MEIG1: variants seen among roughly 807,000 people sequenced by gnomAD.
MEIG1 encodes the protein meiosis expressed gene 1 protein homolog.
MEIG1 carries 12 observed loss-of-function variants against 11.3 expected under a neutral mutation model. That is an observed-to-expected ratio of 1.07 (90% CI 0.68 to 1.73). The LOEUF is 1.73. MEIG1 is among the 40% of genes most tolerant of loss of function. MEIG1 has a pLI of 0.00. For missense variants in MEIG1, 119 were observed against 104.9 expected (o/e 1.13, Z -0.59); for synonymous variants, 41 against 33.2 (o/e 1.24, Z -0.81).
At chr10:14,961,308 GC>G (rs1485647014) in intron 1 of MEIG1, among the ~76,000 whole-genome samples, 1 of 152,130 alleles carries the variant, frequency 6.6e-6, no homozygotes, top group Non-Finnish European at 1.5e-5. Flanking sequence ...AATGCGTATT[GC>G]TTTTGCACCA....
At chr10:14,983,742 ATTC>A (rs2131284698) in intron 1 of MEIG1, among the ~76,000 whole-genome samples, 1 of 152,134 alleles carries the variant, frequency 6.6e-6, no homozygotes, top group South Asian at 2.1e-4. Flanking sequence ...GGAGGATAAT[ATTC>A]TTCTTAATAG....
At chr10:14,983,174 T>C (rs1016894570) in intron 1 of MEIG1, among the ~76,000 whole-genome samples, 2 of 152,124 alleles carry the variant, frequency 1.3e-5, no homozygotes, top group Non-Finnish European at 1.5e-5. Flanking sequence ...CCCGGTGATA[T>C]TGATCCGAAT....
chr10:14,962,762 A>AGT (rs1292817627), intron 1 of MEIG1, among the ~76,000 whole-genome samples: 4 of 146,324 alleles, frequency 2.7e-5, no homozygotes, highest in Admixed American at 6.8e-5. Context: ...CTAATTTGGA[A>AGT]TTTTTTTTTT....
At chr10:14,975,494 A>G (rs1482090463), downstream of MEIG1, among the ~76,000 whole-genome samples, 2 of 152,120 alleles carry the variant, frequency 1.3e-5, no homozygotes, top group Non-Finnish European at 2.9e-5. Context: ...CAGAAAGTGT[A>G]CAAACCCGTG....
downstream of MEIG1, among the ~76,000 whole-genome samples, chr10:14,974,857 T>C (rs1843194325): frequency 2.0e-5 from 3 of 152,040 alleles, no homozygotes; most frequent in Non-Finnish European, 2.9e-5. Context: ...TGAGCAATGA[T>C]TTCTTAATAT....
chr10:14,960,700 G>A (rs1236097186), intron 1 of MEIG1, among the ~76,000 whole-genome samples: 1 of 151,868 alleles, frequency 6.6e-6, no homozygotes, highest in Non-Finnish European at 1.5e-5. Flanking sequence ...TTATAGGAGT[G>A]AGCCACCGCG....
rs189796669 is a variant in MEIG1, at chr10:14,987,068, C to A, written n.285+54C>A. 8.0e-6 allele frequency: 5 copies of A among 621,884 alleles called. No homozygotes were observed. The East Asian group carries it at 3.0e-4, about 38-fold the overall frequency. 38.5% of individuals were successfully genotyped at this position (621,884 alleles called of 1,614,324 possible). A position where few individuals can be genotyped will look rare whatever the true frequency, so the allele number is the denominator to read the frequency against. Reference sequence around the variant, plus strand: ...AGAGGGAGACAGATGGCTACAAAGCCGTCATAGGCCATCACAGTCAGGAGC... The same window carrying A: ...AGAGGGAGACAGATGGCTACAAAGCAGTCATAGGCCATCACAGTCAGGAGC... On this transcript the variant is annotated intron_variant and non_coding_transcript_variant, in intron 2 of 2. Coordinates refer to the MEIG1 transcript ENST00000467536.
upstream of MEIG1, among the ~76,000 whole-genome samples, chr10:14,955,863 A>C (rs1433759330): frequency 6.6e-6 from 1 of 152,176 alleles, no homozygotes; most frequent in Non-Finnish European, 1.5e-5. Flanking sequence ...ATTGAGGTAA[A>C]ATATCCTGCT....
intron 1 of MEIG1, among the ~76,000 whole-genome samples, chr10:14,984,285 C>G (rs1589216403): frequency 1.3e-5 from 2 of 151,986 alleles, no homozygotes; most frequent in Non-Finnish European, 1.5e-5. Context: ...CCGATTTTTC[C>G]GAGGAGATTT....
At chr10:14,970,345 C>G (rs1554806405) in intron 2 of MEIG1, 1 of 152,240 alleles carries the variant, frequency 6.6e-6, no homozygotes, top group Non-Finnish European at 1.5e-5. Flanking sequence ...GGAAAAATGT[C>G]TAGAAGTCAA....
upstream of MEIG1, chr10:14,954,441 T>G (rs571486882): frequency 9.9e-6 from 3 of 302,636 alleles, no homozygotes; most frequent in East Asian, 2.4e-4. Flanking sequence ...CGCTTCCTGC[T>G]TGTCTGCTGC....
At chr10:14,982,867 A>G (rs1589215869) in intron 1 of MEIG1, among the ~76,000 whole-genome samples, 1 of 152,300 alleles carries the variant, frequency 6.6e-6, no homozygotes, top group South Asian at 2.1e-4. Flanking sequence ...AATATTAACG[A>G]TTAATGATGC....
chr10:14,972,774 A>G lies in MEIG1; in HGVS notation c.*133A>G, dbSNP rs185591002. On this transcript the variant is annotated 3_prime_UTR_variant, in exon 3 of 3. Transcript: ENST00000407572. ...TAATGTTTTGTGAAACACAAAAGCC[A>G]TGAGAATTGGTATCTGCTAATCACC... 2 of 869,198 alleles carry G rather than the reference A, an allele frequency of 2.3e-6. No homozygotes were observed. Among genetic ancestry groups the G allele is most frequent in the East Asian group, 2.8e-5 (1 of 36,322 alleles). The allele number at this position is 869,198 out of a possible 1,614,324, so 53.8% of individuals were successfully genotyped here.
chr10:14,963,693 G>C lies in MEIG1; in HGVS notation c.-29-2747G>C, dbSNP rs181523877. 1.5e-4 allele frequency among the ~76,000 whole-genome samples: 23 copies of C among 152,256 alleles called. No homozygotes were observed. The East Asian group carries it at 4.1e-3, about 27-fold the overall frequency. ...AATACTGTAAAACTGGACCGGGTGC[G>C]GTGGCTTACACCTGTAATCACAGCA... On this transcript the variant is annotated intron_variant, in intron 1 of 2. Coordinates refer to ENST00000407572, the MANE Select transcript of MEIG1 (RefSeq NM_001080836.3).
rs566297912 is a variant in MEIG1, at chr10:14,987,554, C to A, written n.286-234C>A. 2.8e-5 allele frequency: 17 copies of A among 615,468 alleles called. No homozygotes were observed. In the African/African-American group the frequency reaches 3.2e-4, roughly 11 times the overall value. The allele number at this position is 615,468 out of a possible 1,614,324, so 38.1% of individuals were successfully genotyped here. On this transcript the variant is annotated intron_variant and non_coding_transcript_variant, in intron 2 of 2. Coordinates refer to the MEIG1 transcript ENST00000467536. ...AAGGAACATCTTTACACTTGCAGAC[C>A]ATACACCACCAGCAATGTTTCTCAG...
At chr10:14,964,096 CAA>C (rs370368866) in intron 1 of MEIG1, among the ~76,000 whole-genome samples, 133 of 117,724 alleles carry the variant, frequency 1.1e-3, no homozygotes, top group Middle Eastern at 4.3e-3. Context: ...GACTCCGTCT[CAA>C]AAAAAAAAAA....
At chr10:14,986,162 C>CA (rs1391238686) in intron 1 of MEIG1, among the ~76,000 whole-genome samples, 1 of 152,060 alleles carries the variant, frequency 6.6e-6, no homozygotes, top group African/African-American at 2.4e-5. Context: ...ATTTTTTAAC[C>CA]ATGAAATACA....
intron 2 of MEIG1, among the ~76,000 whole-genome samples, chr10:14,967,504 A>ACTTTTTTTTTTTTT (rs758018633): frequency 7.4e-6 from 1 of 135,292 alleles, no homozygotes; most frequent in African/African-American, 2.8e-5. Flanking sequence ...CTACTAAGAT[A>ACTTTTTTTTTTTTT]TTTTTTTTTT....
chr10:14,972,515 A>C lies in MEIG1; in HGVS notation c.141A>C (p.Val47=). Residue 47 remains valine, a splice_region_variant and synonymous_variant, in exon 3 of 3, where the codon GTA becomes GTC. Coordinates refer to ENST00000407572, the MANE Select transcript of MEIG1 (RefSeq NM_001080836.3). The part of the protein sequence containing the change: ...EYRQVKQVSM[V]DRWPETGYVK... ...GTACTCTGGTTCTTGATGTGCAGGT[A>C]GATCGTTGGCCGGAGACAGGATATG... 1 of 1,614,084 alleles carries C rather than the reference A, an allele frequency of 6.2e-7. No homozygotes were observed. Among genetic ancestry groups the C allele is most frequent in the Non-Finnish European group, 8.5e-7 (1 of 1,179,960 alleles).
Sources: gnomAD v4.1 joint callset for allele counts (sites outside exome capture counted in the v4.1 genomes callset) on GRCh38, gnomAD v4.1.1 for gene constraint, MANE v1.5 for transcripts, NCBI Gene and HGNC (gene_info 2026-07-23, HGNC 2026-07-21) for gene names.